Variants in ASTN1 observed in about 807,000 individuals in gnomAD.
ASTN1 encodes astrotactin 1, also known as astrotactin-1.
In ASTN1, 41 loss-of-function variants were observed where a neutral mutation model predicts 140.7. The ratio of observed to expected loss-of-function variants is 0.29; its 90% CI spans 0.23 to 0.38. ASTN1 has a LOEUF of 0.38. ASTN1 is among the 10% of genes least tolerant of loss of function. ASTN1 has a pLI of 1.00. For synonymous variants in ASTN1, 640 were observed against 652.2 expected, an observed-to-expected ratio of 0.98 and a Z score of 0.29; for missense variants, 1,479 against 1,678.8, an observed-to-expected ratio of 0.88 and a Z score of 2.08.
intron 16 of ASTN1, among the ~76,000 whole-genome samples, chr1:176,927,275 G>A (rs1671011608): frequency 6.6e-6 from 1 of 152,158 alleles, no homozygotes; most frequent in South Asian, 2.1e-4. Flanking sequence ...ATGTGCAGTG[G>A]AAAGGAAGAG....
chr1:177,115,820 G>C (rs1405358131), intron 1 of ASTN1, among the ~76,000 whole-genome samples: 1 of 151,982 alleles, frequency 6.6e-6, no homozygotes, highest in East Asian at 1.9e-4. Context: ...TATTTCTGGG[G>C]AATAATATTC....
chr1:176,864,707 AAATG>A (rs759902061), intron 22 of ASTN1, among the ~76,000 whole-genome samples, 186 bp from the exon 23 acceptor site: 7 of 152,226 alleles, frequency 4.6e-5, no homozygotes, highest in African/African-American at 1.4e-4. Flanking sequence ...ATGAATGAAT[AAATG>A]AATGAATGAA....
At chr1:177,030,683 A>G in intron 4 of ASTN1, 123 bp downstream of exon 4, 1 of 1,334,948 alleles carries the variant, frequency 7.5e-7, no homozygotes, top group African/African-American at 1.5e-5. Flanking sequence ...GGCCTCCAGA[A>G]AGGCTGTGCC....
chr1:177,123,838 T>G (rs1282325209), intron 1 of ASTN1, among the ~76,000 whole-genome samples: 2 of 152,206 alleles, frequency 1.3e-5, no homozygotes, highest in African/African-American at 4.8e-5. Flanking sequence ...AGGATCGATT[T>G]GTGAGCTAAC....
chr1:176,891,670 G>A (rs745638886), intron 17 of ASTN1, among the ~76,000 whole-genome samples: 13 of 152,236 alleles, frequency 8.5e-5, no homozygotes, highest in Non-Finnish European at 1.5e-4. Context: ...GCACATGCCT[G>A]TAATCCCAGC....
chr1:177,150,718 C>T (rs947067628), intron 1 of ASTN1, among the ~76,000 whole-genome samples: 6 of 151,938 alleles, frequency 3.9e-5, no homozygotes, highest in South Asian at 4.1e-4. Flanking sequence ...GTTATGAAGG[C>T]GGAGTTGCAG....
intron 8 of ASTN1, among the ~76,000 whole-genome samples, chr1:176,965,714 G>A (rs540538272): frequency 8.0e-4 from 122 of 152,282 alleles, no homozygotes; most frequent in Admixed American, 8.5e-4. Context: ...GTCAATAAAT[G>A]ATAGCTACCT....
At chr1:176,869,916 T>G (rs1284585632) in intron 21 of ASTN1, among the ~76,000 whole-genome samples, 1 of 152,164 alleles carries the variant, frequency 6.6e-6, no homozygotes, top group Admixed American at 6.5e-5. Flanking sequence ...AGAACCCTTG[T>G]TAGGACCACC....
At chr1:177,063,928 G>A (rs1226755378) in intron 1 of ASTN1, among the ~76,000 whole-genome samples, 1 of 152,132 alleles carries the variant, frequency 6.6e-6, no homozygotes, top group Non-Finnish European at 1.5e-5. Flanking sequence ...ATACACATCT[G>A]AGTGCCACTC....
At chr1:177,087,728 A>G (rs74774134) in intron 1 of ASTN1, among the ~76,000 whole-genome samples, 132 of 152,348 alleles carry the variant, frequency 8.7e-4, no homozygotes, top group African/African-American at 3.1e-3. Context: ...GAAGCTATTC[A>G]GAGAGCCCAA....
intron 16 of ASTN1, among the ~76,000 whole-genome samples, chr1:176,899,042 C>T (rs1390506532): frequency 2.6e-5 from 4 of 152,152 alleles, no homozygotes; most frequent in Non-Finnish European, 5.9e-5. Flanking sequence ...AGGGAAGGTC[C>T]GGAGTCCAGT....
intron 8 of ASTN1, among the ~76,000 whole-genome samples, chr1:176,968,506 T>A (rs887150505): frequency 4.6e-5 from 7 of 152,112 alleles, no homozygotes; most frequent in African/African-American, 1.7e-4. Context: ...AGTGGTCACT[T>A]CACTGGGCAA....
At chr1:176,864,926 C>T (rs1016132763) in intron 22 of ASTN1, among the ~76,000 whole-genome samples, 9 of 152,130 alleles carry the variant, frequency 5.9e-5, no homozygotes, top group Non-Finnish European at 1.0e-4. Context: ...TTTCCAATGC[C>T]GCTTCTGAAC....
chr1:177,117,952 C>G (rs1681180513), intron 1 of ASTN1, among the ~76,000 whole-genome samples: 1 of 152,186 alleles, frequency 6.6e-6, no homozygotes, highest in South Asian at 2.1e-4. Flanking sequence ...TTTATCCTAT[C>G]AATCATTTTA....
intron 2 of ASTN1, among the ~76,000 whole-genome samples, chr1:177,035,022 A>C (rs1676646795): frequency 6.6e-6 from 1 of 152,218 alleles, no homozygotes; most frequent in Non-Finnish European, 1.5e-5. Flanking sequence ...TCTGAGGCAT[A>C]GACTCATTCC....
chr1:177,104,506 G>A (rs1036304662), intron 1 of ASTN1, among the ~76,000 whole-genome samples: 1 of 152,132 alleles, frequency 6.6e-6, no homozygotes, highest in Non-Finnish European at 1.5e-5. Flanking sequence ...TGACGCAGGA[G>A]TCAATAAAGA....
chr1:177,161,469 A>C (rs1294390390), intron 1 of ASTN1, among the ~76,000 whole-genome samples: 3 of 152,234 alleles, frequency 2.0e-5, no homozygotes, highest in Non-Finnish European at 4.4e-5. Context: ...CCATGCAAAG[A>C]GCACAGAAAT....
At chr1:177,029,771 C>A in intron 4 of ASTN1, 30 bp from the exon 5 acceptor site, 4 of 1,582,112 alleles carry the variant, frequency 2.5e-6, no homozygotes, top group Non-Finnish European at 3.5e-6. Flanking sequence ...GTCAAGAAAG[C>A]GTTTTCAGTT....
At chr1:176,993,502 C>T (rs187313517) in intron 8 of ASTN1, among the ~76,000 whole-genome samples, 132 of 152,184 alleles carry the variant, frequency 8.7e-4, no homozygotes, top group Non-Finnish European at 1.3e-3. Context: ...TATCCTTAAT[C>T]CCTCAACTCC....
Sources: gnomAD v4.1 joint callset for allele counts (sites outside exome capture counted in the v4.1 genomes callset) on GRCh38, gnomAD v4.1.1 for gene constraint, MANE v1.5 for transcripts, NCBI Gene and HGNC (gene_info 2026-07-23, HGNC 2026-07-21) for gene names.